The following HPSE2 variants were observed in gnomAD, a reference collection of about 807,000 sequenced individuals.
The protein encoded by HPSE2 is inactive heparanase-2.
A neutral mutation model predicts 60.5 loss-of-function variants in HPSE2; 38 were observed. The observed-to-expected ratio is 0.63, with a 90% CI of 0.48 to 0.82. HPSE2 has a LOEUF of 0.82. HPSE2 is among the 40% of genes least tolerant of loss of function. HPSE2 has a pLI of 0.00. For synonymous variants in HPSE2, 295 were observed against 293.2 expected (o/e 1.01, Z -0.06); for missense variants, 713 against 740.4 (o/e 0.96, Z 0.43).
In HPSE2 at chr10:98,458,998, G is replaced by A. The variant is rs553278641; in HGVS notation, c.*576C>T. 4.1e-5 allele frequency: 7 copies of A among 169,546 alleles called. No individual in the cohort carries two copies. Among genetic ancestry groups the A allele is most frequent in the South Asian group, 1.5e-4 (1 of 6,666 alleles). 10.5% of individuals were successfully genotyped at this position (169,546 alleles called of 1,614,324 possible). ...AGATGCGCACGCTCATACATCAGCC[G>A]GGAAATCATACAAACAGCTCTCCCA... is the stretch of plus-strand genomic sequence containing the variant. On this transcript the variant is annotated 3_prime_UTR_variant, in exon 12 of 12. Coordinates refer to ENST00000370552, the MANE Select transcript of HPSE2 (RefSeq NM_021828.5).
intron 2 of HPSE2, among the ~76,000 whole-genome samples, chr10:99,189,865 T>C (rs1848159006): frequency 6.6e-6 from 1 of 152,216 alleles, no homozygotes; most frequent in African/African-American, 2.4e-5. Flanking sequence ...TTGGAATGAA[T>C]TGACCACACT....
chr10:98,466,855 C>A (rs1051799213), intron 11 of HPSE2, among the ~76,000 whole-genome samples: 2 of 152,136 alleles, frequency 1.3e-5, no homozygotes, highest in African/African-American at 4.8e-5. Context: ...ATGATATTGA[C>A]CTGTCTAAAT....
chr10:99,172,165 T>C (rs1332029307), intron 2 of HPSE2, among the ~76,000 whole-genome samples: 1 of 152,134 alleles, frequency 6.6e-6, no homozygotes, highest in Non-Finnish European at 1.5e-5. Flanking sequence ...CAAGAGTTAG[T>C]TTTTCAAGCC....
chr10:98,570,110 G>T (rs1944452804), intron 9 of HPSE2, among the ~76,000 whole-genome samples: 1 of 152,176 alleles, frequency 6.6e-6, no homozygotes, highest in African/African-American at 2.4e-5. Flanking sequence ...CTCTGCAAAG[G>T]TTCCTCCTGG....
At position 98,826,231 on chromosome 10, in the gene HPSE2, T is replaced by C. The variant is rs115545127; in HGVS notation, c.611-82175A>G. ...GTACATAGCAGATGCTCAATAAATA[T>C]TTATTGAATGAATACATGAGAAAAC... On this transcript the variant is annotated intron_variant, in intron 3 of 11. Coordinates refer to ENST00000370552, the MANE Select transcript of HPSE2 (RefSeq NM_021828.5). Among the ~76,000 whole-genome samples the C allele has an allele frequency of 3.9e-3, 598 of 152,324 alleles. 2 individuals are homozygous for C. Among genetic ancestry groups the C allele is most frequent in the African/African-American group, 0.013 (561 of 41,572 alleles).
chr10:98,607,591 T>C (rs1163383831), intron 9 of HPSE2, among the ~76,000 whole-genome samples: 1 of 152,200 alleles, frequency 6.6e-6, no homozygotes, highest in African/African-American at 2.4e-5. Flanking sequence ...TAAAATGTAA[T>C]TTTTAGTTTG....
the HPSE2 span, among the ~76,000 whole-genome samples, chr10:99,257,908 G>A: frequency 2.4e-3 from 359 of 152,112 alleles, 1 homozygote; most frequent in African/African-American, 8.1e-3. Flanking sequence ...CAGACCAGCC[G>A]ACACTTAGGG....
intron 7 of HPSE2, among the ~76,000 whole-genome samples, chr10:98,635,155 A>C (rs943387666): frequency 6.6e-6 from 1 of 152,238 alleles, no homozygotes; most frequent in African/African-American, 2.4e-5. Flanking sequence ...TGTTACAAAT[A>C]GTCAATAAAT....
intron 3 of HPSE2, among the ~76,000 whole-genome samples, chr10:98,789,986 C>G (rs534687069): frequency 6.6e-6 from 1 of 151,846 alleles, no homozygotes; most frequent in East Asian, 1.9e-4. Context: ...TATTTGTCAG[C>G]TCTACTAAAG....
At chr10:98,978,907 T>G (rs1956146128) in intron 3 of HPSE2, among the ~76,000 whole-genome samples, 2 of 152,314 alleles carry the variant, frequency 1.3e-5, no homozygotes, top group South Asian at 4.1e-4. Flanking sequence ...GGTAAAAAAT[T>G]GGAGTCGCTG....
intron 3 of HPSE2, among the ~76,000 whole-genome samples, chr10:98,899,317 C>T (rs866573086): frequency 1.3e-5 from 2 of 152,280 alleles, no homozygotes; most frequent in Middle Eastern, 3.4e-3. Flanking sequence ...ATAAATTTGA[C>T]TTCATTAAAA....
chr10:98,704,752 C>T (rs1340448879), intron 5 of HPSE2, among the ~76,000 whole-genome samples: 1 of 152,030 alleles, frequency 6.6e-6, no homozygotes, highest in Admixed American at 6.6e-5. Flanking sequence ...CTTATACAAA[C>T]ATTAACTCAA....
At position 98,482,536 on chromosome 10, in the gene HPSE2, A is replaced by G. The variant is rs1941279686; in HGVS notation, c.1613+100T>C. 4.2e-6 allele frequency: 6 copies of G among 1,436,632 alleles called. No homozygotes were observed. The South Asian group carries it at 4.6e-5, about 11-fold the overall frequency. 89.0% of individuals were successfully genotyped at this position (1,436,632 alleles called of 1,614,324 possible). On this transcript the variant is annotated intron_variant, in intron 11 of 11. Transcript: ENST00000370552. The stretch of plus-strand genomic sequence containing the variant: ...CTCTTTGTCCTACTCCATCCCACTG[A>G]GCCCTTGAGAGAATTAGCAGCAACC...
intron 3 of HPSE2, among the ~76,000 whole-genome samples, chr10:99,107,333 T>A (rs1280997091): frequency 1.3e-5 from 2 of 152,190 alleles, no homozygotes; most frequent in Non-Finnish European, 2.9e-5. Context: ...CCAACCATAC[T>A]TTTAAGTACC....
At chr10:99,132,228 AG>A (rs1845460143) in intron 3 of HPSE2, among the ~76,000 whole-genome samples, 24 of 48,004 alleles carry the variant, frequency 5.0e-4, no homozygotes, top group South Asian at 2.2e-3. Flanking sequence ...AGAGAGAGAG[AG>A]AGAGAGAGAG....
At chr10:99,305,493 G>A in the HPSE2 span, among the ~76,000 whole-genome samples, 130,547 of 152,206 alleles carry the variant, frequency 0.86, 56,377 homozygotes, top group African/African-American at 0.93. Context: ...ACTAGGAAAG[G>A]GTGAATCTTA....
At chr10:98,831,736 G>A (rs912315139) in intron 3 of HPSE2, among the ~76,000 whole-genome samples, 2 of 152,156 alleles carry the variant, frequency 1.3e-5, no homozygotes, top group Non-Finnish European at 1.5e-5. Flanking sequence ...CAGGAGATCT[G>A]GGTAGACCCT....
chr10:99,017,480 A>C (rs1237568513), intron 3 of HPSE2, among the ~76,000 whole-genome samples: 1 of 152,090 alleles, frequency 6.6e-6, no homozygotes, highest in Non-Finnish European at 1.5e-5. Context: ...ATTGCCCTTA[A>C]GTTGTCTTTT....
At chr10:98,759,657 A>G (rs1004853946) in intron 3 of HPSE2, among the ~76,000 whole-genome samples, 5 of 152,026 alleles carry the variant, frequency 3.3e-5, no homozygotes, top group African/African-American at 1.2e-4. Flanking sequence ...CTATATGTCT[A>G]TTTTTATGCC....
Sources: allele counts gnomAD v4.1 joint callset (sites outside exome capture counted in the v4.1 genomes callset), GRCh38; gene constraint gnomAD v4.1.1; transcripts MANE v1.5; gene names NCBI Gene and HGNC (gene_info 2026-07-23, HGNC 2026-07-21).